Variants in TMPRSS11F observed in about 807,000 individuals in gnomAD.
TMPRSS11F encodes transmembrane protease serine 11F.
A neutral mutation model predicts 60.2 loss-of-function variants in TMPRSS11F; 47 were observed. The observed-to-expected ratio is 0.78, with a 90% CI of 0.62 to 1.00. TMPRSS11F has a LOEUF of 1.00. TMPRSS11F is among the 50% of genes least tolerant of loss of function. The pLI is 0.00. For synonymous variants in TMPRSS11F, 166 were observed against 167.3 expected (o/e 0.99, Z 0.06); for missense variants, 519 against 522.9 (o/e 0.99, Z 0.07).
chr4:68,113,386 T>C (rs1249681258), intron 1 of TMPRSS11F, among the ~76,000 whole-genome samples: 1 of 149,632 alleles, frequency 6.7e-6, no homozygotes, highest in East Asian at 2.0e-4. Context: ...TTGGCTTTTC[T>C]TGACGGCCTA....
intron 1 of TMPRSS11F, among the ~76,000 whole-genome samples, chr4:68,129,424 T>C (rs113231358): frequency 1.6e-4 from 25 of 152,226 alleles, no homozygotes; most frequent in African/African-American, 5.5e-4. Flanking sequence ...TCCCAGAATA[T>C]ACATCAATAA....
chr4:68,097,578 T>C (rs1724098221), intron 2 of TMPRSS11F, among the ~76,000 whole-genome samples: 1 of 127,332 alleles, frequency 7.9e-6, no homozygotes, highest in Non-Finnish European at 2.0e-5. Context: ...TAAGGTAACA[T>C]TCACAGATTC....
rs140950966 is a variant in TMPRSS11F, at chr4:68,064,888, G to A, written c.812C>T (p.Ala271Val). The A allele has an allele frequency of 2.4e-5, 38 of 1,614,022 alleles. 1 individual carries two copies. The African/African-American group carries it at 4.9e-4, about 21-fold the overall frequency. The change falls in exon 8 of 10, where the codon GCA (alanine) becomes GTA (valine). Residue 271 changes from alanine to valine, a missense_variant. Coordinates refer to ENST00000356291, the MANE Select transcript of TMPRSS11F (RefSeq NM_207407.2). The stretch of plus-strand genomic sequence containing the variant: ...AATTTTCCTCACATTTCGTTTCACT[G>A]CGGGTGGTGTTATAGTTGCACCAAA... ...ATFGATITPPAVKRNVRKIIL... is the reference protein window; with the variant it reads ...ATFGATITPPVVKRNVRKIIL...
intron 2 of TMPRSS11F, among the ~76,000 whole-genome samples, chr4:68,095,004 C>T (rs1724041858): frequency 6.6e-6 from 1 of 151,916 alleles, no homozygotes; most frequent in Non-Finnish European, 1.5e-5. Context: ...ACAAAAAATA[C>T]TGAGACAACT....
At chr4:68,104,083 A>C (rs867083871) in intron 1 of TMPRSS11F, among the ~76,000 whole-genome samples, 2 of 152,324 alleles carry the variant, frequency 1.3e-5, no homozygotes, top group Middle Eastern at 3.4e-3. Context: ...ATTTAAGATC[A>C]TGTCAGAATA....
chr4:68,089,652 A>G (rs981001320), intron 3 of TMPRSS11F, among the ~76,000 whole-genome samples: 1 of 152,162 alleles, frequency 6.6e-6, no homozygotes, highest in African/African-American at 2.4e-5. Context: ...TTGCTTTTCA[A>G]CATTTAGAAT....
intron 1 of TMPRSS11F, among the ~76,000 whole-genome samples, chr4:68,109,284 G>A (rs536634942): frequency 4.0e-4 from 61 of 151,986 alleles, no homozygotes; most frequent in Admixed American, 1.8e-3. Flanking sequence ...GTACCCGGCC[G>A]GTACTCCAGT....
chr4:68,082,363 T>C (rs371724602), intron 3 of TMPRSS11F, among the ~76,000 whole-genome samples: 2 of 152,168 alleles, frequency 1.3e-5, no homozygotes, highest in East Asian at 3.9e-4. Flanking sequence ...GTGAGGCAGC[T>C]ACAGCAAAAC....
chr4:68,114,747 C>T lies in TMPRSS11F; in HGVS notation c.11+15063G>A, dbSNP rs193096203. On this transcript the variant is annotated intron_variant, in intron 1 of 9. Transcript: ENST00000356291. ...AAAAAAAAAAATCAGATGAAAGCCC[C>T]TCTAAACAAGAAGTAAAAATCTTTA... is the stretch of plus-strand genomic sequence containing the variant. Among the ~76,000 whole-genome samples the T allele has an allele frequency of 2.1e-3, 318 of 151,236 alleles. 3 individuals are homozygous for T. Among genetic ancestry groups the T allele is most frequent in the African/African-American group, 7.1e-3 (292 of 41,320 alleles).
At chr4:68,083,800 AC>A (rs1723752938) in intron 3 of TMPRSS11F, among the ~76,000 whole-genome samples, 1 of 152,044 alleles carries the variant, frequency 6.6e-6, no homozygotes, top group Non-Finnish European at 1.5e-5. Flanking sequence ...GCAAACAATC[AC>A]CCTACCTCCC....
At chr4:68,070,067 G>A (rs566197245) in intron 5 of TMPRSS11F, 60 bp from the exon 6 acceptor site, 1 of 1,393,888 alleles carries the variant, frequency 7.2e-7, no homozygotes, top group South Asian at 1.2e-5. Context: ...TTCATGTTGT[G>A]TTGTTCAACT....
chr4:68,112,899 T>C (rs1263775509), intron 1 of TMPRSS11F, among the ~76,000 whole-genome samples: 1 of 152,172 alleles, frequency 6.6e-6, no homozygotes, highest in Non-Finnish European at 1.5e-5. Flanking sequence ...AGTTCCTAAA[T>C]ATGTGATTAA....
intron 1 of TMPRSS11F, among the ~76,000 whole-genome samples, chr4:68,117,467 CAAAAAAAAA>C (rs55708045): frequency 4.9e-4 from 25 of 51,394 alleles, no homozygotes; most frequent in African/African-American, 1.9e-3. Context: ...GACTCTGTCT[CAAAAAAAAA>C]AAAAAAAAAA....
At chr4:68,102,060 T>A (rs949788286) in intron 1 of TMPRSS11F, among the ~76,000 whole-genome samples, 3 of 152,122 alleles carry the variant, frequency 2.0e-5, no homozygotes, top group African/African-American at 7.2e-5. Flanking sequence ...ATTACACATC[T>A]AAGAGATAAT....
intron 2 of TMPRSS11F, among the ~76,000 whole-genome samples, chr4:68,094,512 C>T (rs956591860): frequency 2.7e-5 from 4 of 148,188 alleles, no homozygotes; most frequent in African/African-American, 9.9e-5. Context: ...AACTAACCTG[C>T]ACATTGTGAA....
At chr4:68,061,117 A>C (rs1176376829) in intron 8 of TMPRSS11F, among the ~76,000 whole-genome samples, 1 of 152,176 alleles carries the variant, frequency 6.6e-6, no homozygotes, top group Non-Finnish European at 1.5e-5. Context: ...GCAAAATTAT[A>C]AAGAAAACAG....
chr4:68,088,577 C>G (rs2109862325), intron 3 of TMPRSS11F, among the ~76,000 whole-genome samples: 1 of 152,174 alleles, frequency 6.6e-6, no homozygotes, highest in East Asian at 1.9e-4. Flanking sequence ...CATCCCAAAT[C>G]AACAGAATAT....
chr4:68,070,791 A>G lies in TMPRSS11F; in HGVS notation c.515-784T>C, dbSNP rs144950669. ...TGTCAGTGAGAACATGGGGAATTAC[A>G]GTGATTTTATTAGAAACATTGACTT... On this transcript the variant is annotated intron_variant, in intron 5 of 9. Transcript: ENST00000356291. Among the ~76,000 whole-genome samples, 10 of 152,332 alleles carry G rather than the reference A, an allele frequency of 6.6e-5. 1 individual carries two copies. Among genetic ancestry groups the G allele is most frequent in the African/African-American group, 2.4e-4 (10 of 41,572 alleles).
At chr4:68,101,063 A>T (rs970696749) in intron 1 of TMPRSS11F, among the ~76,000 whole-genome samples, 1 of 152,194 alleles carries the variant, frequency 6.6e-6, no homozygotes, top group African/African-American at 2.4e-5. Flanking sequence ...ACAAGAATCA[A>T]GTTTAATAAA....
Sources: allele counts gnomAD v4.1 joint callset (sites outside exome capture counted in the v4.1 genomes callset), GRCh38; gene constraint gnomAD v4.1.1; transcripts MANE v1.5; gene names NCBI Gene and HGNC (gene_info 2026-07-23, HGNC 2026-07-21).